Variants in LRRC4C observed in about 807,000 individuals in gnomAD.
LRRC4C encodes leucine-rich repeat-containing protein 4C.
LRRC4C carries 5 observed loss-of-function variants against 33.6 expected under a neutral mutation model. That is an observed-to-expected ratio of 0.15 (90% CI 0.08 to 0.31). LRRC4C has a LOEUF of 0.31. Among genes scored for constraint, LRRC4C ranks in the 10% least tolerant of loss-of-function variants. The pLI is 1.00. For missense variants in LRRC4C, 560 were observed against 796.7 expected, an observed-to-expected ratio of 0.70 and a Z score of 3.58; for synonymous variants, 329 against 302.0, an observed-to-expected ratio of 1.09 and a Z score of -0.93.
chr11:40,309,009 C>T (rs1256687173), intron 4 of LRRC4C, among the ~76,000 whole-genome samples: 1 of 152,176 alleles, frequency 6.6e-6, no homozygotes, highest in Non-Finnish European at 1.5e-5. Context: ...CTTTACAGCT[C>T]ACTTCCACTC....
intron 3 of LRRC4C, among the ~76,000 whole-genome samples, chr11:40,450,805 A>T (rs1951848913): frequency 6.6e-6 from 1 of 151,730 alleles, no homozygotes. Context: ...CTGCGCATAT[A>T]AAGTATGCTC....
At chr11:41,277,091 C>T (rs1459959351) in intron 1 of LRRC4C, among the ~76,000 whole-genome samples, 1 of 152,178 alleles carries the variant, frequency 6.6e-6, no homozygotes, top group Non-Finnish European at 1.5e-5. Context: ...ACTGTATCCA[C>T]AGCATCTTAC....
At chr11:40,654,537 A>G (rs1296698934) in intron 2 of LRRC4C, among the ~76,000 whole-genome samples, 1 of 152,132 alleles carries the variant, frequency 6.6e-6, no homozygotes, top group East Asian at 1.9e-4. Context: ...CCCATTTTGA[A>G]TGGGTGTATT....
chr11:40,608,786 A>T lies in LRRC4C; in HGVS notation c.-270+39356T>A, dbSNP rs577335857. Among the ~76,000 whole-genome samples, 35 of 152,276 alleles carry T rather than the reference A, an allele frequency of 2.3e-4. 1 individual carries two copies. In the South Asian group the frequency reaches 4.6e-3, roughly 20 times the overall value. On this transcript the variant is annotated intron_variant, in intron 3 of 6. Transcript: ENST00000528697. ...AAAAAAATCATGGGTAGCCATAGCT[A>T]CATCAAAGAAAAGAGACTTTAAATC...
chr11:40,207,983 A>G (rs183189834), intron 5 of LRRC4C, among the ~76,000 whole-genome samples: 1 of 152,248 alleles, frequency 6.6e-6, no homozygotes. Flanking sequence ...CTGCCTCTTC[A>G]TTTCTGACAA....
At chr11:41,232,698 T>C (rs115345542) in intron 1 of LRRC4C, among the ~76,000 whole-genome samples, 2,082 of 151,610 alleles carry the variant, frequency 0.014, 44 homozygotes, top group African/African-American at 0.047. Flanking sequence ...ACTTTTGAAA[T>C]AATTCAGAGA....
chr11:41,261,816 T>A (rs773223214), intron 1 of LRRC4C, among the ~76,000 whole-genome samples: 1 of 152,118 alleles, frequency 6.6e-6, no homozygotes, highest in Non-Finnish European at 1.5e-5. Context: ...GAGATCATAT[T>A]CAATGTGTTT....
intron 2 of LRRC4C, among the ~76,000 whole-genome samples, chr11:40,781,467 A>G (rs1236046808): frequency 6.6e-6 from 1 of 152,162 alleles, no homozygotes; most frequent in Non-Finnish European, 1.5e-5. Context: ...ATTCTGTGTT[A>G]TTTAACGTAG....
intron 1 of LRRC4C, among the ~76,000 whole-genome samples, chr11:41,162,148 G>A (rs1590798945): frequency 1.3e-5 from 2 of 152,058 alleles, no homozygotes; most frequent in East Asian, 1.9e-4. Flanking sequence ...GTCCCCTTCT[G>A]CAGCTCTGTG....
chr11:41,353,203 C>T (rs1952043827), intron 1 of LRRC4C, among the ~76,000 whole-genome samples: 2 of 151,730 alleles, frequency 1.3e-5, no homozygotes, highest in Non-Finnish European at 2.9e-5. Flanking sequence ...TACCATCGAC[C>T]CCAGAAAAAC....
intron 3 of LRRC4C, among the ~76,000 whole-genome samples, chr11:40,378,284 G>T (rs908881218): frequency 1.3e-5 from 2 of 151,934 alleles, no homozygotes; most frequent in Admixed American, 1.3e-4. Flanking sequence ...TAACTTGAGT[G>T]CTTGATTTTT....
At chr11:40,981,050 A>T (rs1852482058) in intron 1 of LRRC4C, among the ~76,000 whole-genome samples, 1 of 152,214 alleles carries the variant, frequency 6.6e-6, no homozygotes, top group South Asian at 2.1e-4. Context: ...ATTAAATAAC[A>T]TGCCTAAGGT....
intron 1 of LRRC4C, among the ~76,000 whole-genome samples, chr11:41,159,341 A>G (rs1050800573): frequency 6.6e-6 from 1 of 152,062 alleles, no homozygotes; most frequent in African/African-American, 2.4e-5. Context: ...AGAAAACTCA[A>G]TAGCTAGGCT....
chr11:40,193,848 A>C (rs1252298629), intron 5 of LRRC4C, among the ~76,000 whole-genome samples: 1 of 152,156 alleles, frequency 6.6e-6, no homozygotes, highest in Non-Finnish European at 1.5e-5. Flanking sequence ...AGTGGAAGAA[A>C]GGATATCCGA....
At chr11:41,206,249 T>C (rs1946597229) in intron 1 of LRRC4C, among the ~76,000 whole-genome samples, 1 of 152,158 alleles carries the variant, frequency 6.6e-6, no homozygotes, top group Admixed American at 6.6e-5. Flanking sequence ...CTAATACAAA[T>C]GTAAGAGGAG....
intron 2 of LRRC4C, among the ~76,000 whole-genome samples, chr11:40,901,064 T>C (rs931568999): frequency 9.9e-5 from 15 of 152,108 alleles, no homozygotes; most frequent in African/African-American, 3.6e-4. Flanking sequence ...TTTCAATTCC[T>C]TTTCTTTTAT....
At chr11:41,277,676 G>T (rs1342233183) in intron 1 of LRRC4C, among the ~76,000 whole-genome samples, 2 of 152,056 alleles carry the variant, frequency 1.3e-5, no homozygotes, top group East Asian at 3.9e-4. Flanking sequence ...GGTGACAATT[G>T]AGCACCTGCA....
chr11:40,338,237 A>G (rs1946716290), intron 3 of LRRC4C, among the ~76,000 whole-genome samples: 1 of 152,222 alleles, frequency 6.6e-6, no homozygotes, highest in Non-Finnish European at 1.5e-5. Context: ...AACATGTTCT[A>G]AAGGTAGTAA....
At chr11:40,870,941 A>G (rs1954606342) in intron 2 of LRRC4C, among the ~76,000 whole-genome samples, 1 of 152,190 alleles carries the variant, frequency 6.6e-6, no homozygotes, top group Admixed American at 6.5e-5. Flanking sequence ...TCTTTTTCTC[A>G]GCAAGGAACA....
Sources: allele counts gnomAD v4.1 joint callset (sites outside exome capture counted in the v4.1 genomes callset), GRCh38; gene constraint gnomAD v4.1.1; transcripts MANE v1.5; gene names NCBI Gene and HGNC (gene_info 2026-07-23, HGNC 2026-07-21).